Variants in CACNA1S observed in about 807,000 individuals in gnomAD.
The protein encoded by CACNA1S is voltage-dependent L-type calcium channel subunit alpha-1S.
In CACNA1S, 126 loss-of-function variants were observed where a neutral mutation model predicts 207.4. The observed-to-expected ratio is 0.61, with a 90% CI of 0.53 to 0.70. The LOEUF (loss-of-function observed/expected upper bound fraction) is 0.70, where lower values mean the gene tolerates loss of function less well. CACNA1S is among the 30% of genes least tolerant of loss of function. CACNA1S has a pLI of 0.00. For missense variants in CACNA1S, 2,349 were observed against 2,422.8 expected, an observed-to-expected ratio of 0.97 and a Z score of 0.64; for synonymous variants, 960 against 932.7, an observed-to-expected ratio of 1.03 and a Z score of -0.53.
chr1:201,091,963 G>A lies in CACNA1S; in HGVS notation c.541+9C>T, dbSNP rs375541532. ...GGAGAAAGGGGTCTGCAGGGACACT[G>A]CCACCCACTAGGCACCCCCGACACC... On this transcript the variant is annotated intron_variant, in intron 4 of 43. Coordinates refer to ENST00000362061, the MANE Select transcript of CACNA1S (RefSeq NM_000069.3). 1.7e-4 allele frequency: 270 copies of A among 1,614,024 alleles called. 3 individuals are homozygous for A. In the South Asian group the frequency reaches 2.9e-3, roughly 17 times the overall value.
intron 2 of CACNA1S, among the ~76,000 whole-genome samples, chr1:201,108,373 G>A (rs924137492): frequency 7.0e-4 from 106 of 152,162 alleles, no homozygotes; most frequent in African/African-American, 2.5e-3. Flanking sequence ...AAAGTGCTGG[G>A]ATTACAGGCA....
intron 16 of CACNA1S, among the ~76,000 whole-genome samples, chr1:201,071,889 A>G (rs551088319): frequency 1.7e-4 from 26 of 152,346 alleles, no homozygotes; most frequent in African/African-American, 6.0e-4. Context: ...CATTCATTCA[A>G]TTTATTGAGT....
At chr1:201,102,890 C>G (rs746500490) in intron 2 of CACNA1S, among the ~76,000 whole-genome samples, 6 of 152,152 alleles carry the variant, frequency 3.9e-5, no homozygotes, top group Non-Finnish European at 8.8e-5. Flanking sequence ...CCCCCCGAGG[C>G]TTGGGTTCAG....
intron 28 of CACNA1S, among the ~76,000 whole-genome samples, chr1:201,056,143 TCAGCGCC>T (rs1217639554): frequency 6.7e-6 from 1 of 150,342 alleles, no homozygotes; most frequent in Non-Finnish European, 1.5e-5. Context: ...CCTCGCTAGC[TCAGCGCC>T]CCCAGGGGAT....
chr1:201,103,261 G>C (rs952596906), intron 2 of CACNA1S, among the ~76,000 whole-genome samples: 1 of 145,312 alleles, frequency 6.9e-6, no homozygotes, highest in Non-Finnish European at 1.5e-5. Flanking sequence ...AAAAAAAAAA[G>C]AAAGAAAGAT....
intron 2 of CACNA1S, among the ~76,000 whole-genome samples, chr1:201,100,276 G>T (rs1662600386): frequency 6.6e-6 from 1 of 152,268 alleles, no homozygotes. Flanking sequence ...AGAGGGGAAT[G>T]AGGTGTCTGC....
intron 2 of CACNA1S, among the ~76,000 whole-genome samples, chr1:201,107,687 G>A (rs1015886475): frequency 6.6e-6 from 1 of 152,188 alleles, no homozygotes; most frequent in African/African-American, 2.4e-5. Context: ...AGCCAATAGG[G>A]CAAGAGAGAG....
At chr1:201,054,635 G>C in intron 28 of CACNA1S, 74 bp from the exon 29 acceptor site, 16 of 1,231,850 alleles carry the variant, frequency 1.3e-5, no homozygotes, top group Non-Finnish European at 1.6e-5. Context: ...GGGAGGTGAA[G>C]AGACGTGTCA....
At chr1:201,084,513 T>C (rs984179952) in intron 9 of CACNA1S, among the ~76,000 whole-genome samples, 6 of 152,196 alleles carry the variant, frequency 3.9e-5, no homozygotes, top group African/African-American at 1.4e-4. Context: ...CTTAAGACAA[T>C]GGCGAGAGAG....
At chr1:201,106,640 G>A (rs1017123683) in intron 2 of CACNA1S, among the ~76,000 whole-genome samples, 3 of 152,172 alleles carry the variant, frequency 2.0e-5, no homozygotes, top group African/African-American at 7.2e-5. Flanking sequence ...TTTGATTGCT[G>A]TTCAGTGTTG....
intron 19 of CACNA1S, among the ~76,000 whole-genome samples, chr1:201,068,732 T>C (rs953565366): frequency 9.9e-5 from 15 of 151,634 alleles, no homozygotes; most frequent in East Asian, 3.9e-4. Context: ...ATTAGCTGGG[T>C]GTGGTGGCAG....
At position 201,053,322 on chromosome 1, in the gene CACNA1S, G is replaced by C; in HGVS notation, c.3796-48C>G. Reference sequence around the variant, plus strand: ...AGTCAGTGTCTTAGGGCTCCACTGTGTGTCTGCAGCCCTGCCCTCTGTTAG... The same window carrying C: ...AGTCAGTGTCTTAGGGCTCCACTGTCTGTCTGCAGCCCTGCCCTCTGTTAG... On this transcript the variant is annotated intron_variant, in intron 30 of 43. Coordinates refer to ENST00000362061, the MANE Select transcript of CACNA1S (RefSeq NM_000069.3). This position sits in a 1 kb window ranked among gnomAD's most constrained non-coding sequence, Gnocchi z 5.1. 1 of 1,611,718 alleles carries C rather than the reference G, an allele frequency of 6.2e-7. No individual in the cohort carries two copies. The highest frequency in any genetic ancestry group is 1.7e-5 in the Admixed American group (1 of 60,022).
chr1:201,095,147 C>CAT (rs1232647252), intron 2 of CACNA1S, among the ~76,000 whole-genome samples: 265 of 74,660 alleles, frequency 3.5e-3, no homozygotes, highest in Middle Eastern at 0.017. Context: ...TGTGTGTATA[C>CAT]ATATATATAC....
chr1:201,077,187 G>A (rs1661659216), intron 11 of CACNA1S, 60 bp from the exon 12 acceptor site: 2 of 1,424,596 alleles, frequency 1.4e-6, no homozygotes, highest in African/African-American at 1.4e-5. Flanking sequence ...GGCCCACGAG[G>A]TGTGGACAGG....
chr1:201,084,922 G>T (rs566175738), intron 9 of CACNA1S, 28 bp downstream of exon 9: 3 of 1,529,426 alleles, frequency 2.0e-6, no homozygotes, highest in Non-Finnish European at 2.7e-6. Context: ...GGGGTTGGGG[G>T]TTCCTGGGGC....
intron 13 of CACNA1S, among the ~76,000 whole-genome samples, chr1:201,075,219 C>T (rs1235794266): frequency 6.6e-6 from 1 of 152,234 alleles, no homozygotes; most frequent in Non-Finnish European, 1.5e-5. Flanking sequence ...GTCCTTCCTC[C>T]CCACTGCTCT....
At position 201,087,915 on chromosome 1, in the gene CACNA1S, G is replaced by A. The variant is rs376517944; in HGVS notation, c.915C>T (p.Ile305=). 242 of 1,611,674 alleles carry A rather than the reference G, an allele frequency of 1.5e-4. No individual in the cohort carries two copies. Among genetic ancestry groups the A allele is most frequent in the Non-Finnish European group, 2.0e-4 (231 of 1,178,172 alleles). Residue 305 remains isoleucine, a synonymous_variant, in exon 7 of 44, where the codon ATC becomes ATT. Coordinates refer to ENST00000362061, the MANE Select transcript of CACNA1S (RefSeq NM_000069.3). ...AATAGATCCAGGGCCACTCATTCCC[G>A]ATGGCATCATTGACCTGGTCAGGAC... ...TDVLYWVNDA[I]GNEWPWIYFV... is the part of the protein sequence containing the mutation.
intron 10 of CACNA1S, among the ~76,000 whole-genome samples, chr1:201,078,515 T>C (rs1252280178): frequency 2.0e-5 from 1 of 50,772 alleles, no homozygotes; most frequent in Non-Finnish European, 3.2e-5. Context: ...TTAAATTAGC[T>C]TCAAAAAAAA....
rs773716131 is a variant in CACNA1S, at chr1:201,039,788, T to C, written c.*43A>G. 25 of 1,599,736 alleles carry C rather than the reference T, an allele frequency of 1.6e-5. No individual in the cohort carries two copies. The highest frequency in any genetic ancestry group is 1.5e-4 in the South Asian group (14 of 91,054). ...CACCCCAGCAACTTCCCCACCCCCATTGGTCATGCCAGCTCTAAGCCCATG... is the reference window on the plus strand; with the variant it reads ...CACCCCAGCAACTTCCCCACCCCCACTGGTCATGCCAGCTCTAAGCCCATG... On this transcript the variant is annotated 3_prime_UTR_variant, in exon 44 of 44. Coordinates refer to ENST00000362061, the MANE Select transcript of CACNA1S (RefSeq NM_000069.3).
Sources: gnomAD v4.1 joint callset for allele counts (sites outside exome capture counted in the v4.1 genomes callset) on GRCh38, gnomAD v4.1.1 for gene constraint, Gnocchi (gnomAD v3.1) non-coding constraint, MANE v1.5 for transcripts, NCBI Gene and HGNC (gene_info 2026-07-23, HGNC 2026-07-21) for gene names.